The following UGT3A2 variants were observed in gnomAD, a reference collection of about 807,000 sequenced individuals.
UGT3A2 encodes UDP glycosyltransferase family 3 member A2.
In UGT3A2, 32 loss-of-function variants were observed where a neutral mutation model predicts 39.8. The ratio of observed to expected loss-of-function variants is 0.80; its 90% CI spans 0.61 to 1.08. UGT3A2 has a LOEUF of 1.08. Among genes scored for constraint, UGT3A2 ranks in the 50% least tolerant of loss-of-function variants. The pLI, the probability that UGT3A2 is intolerant of heterozygous loss-of-function variation, is 0.00. For synonymous variants in UGT3A2, 241 were observed against 230.7 expected, an observed-to-expected ratio of 1.04 and a Z score of -0.40; for missense variants, 611 against 637.1, an observed-to-expected ratio of 0.96 and a Z score of 0.44.
chr5:36,052,552 A>T (rs36063984), intron 2 of UGT3A2, among the ~76,000 whole-genome samples: 10,497 of 151,870 alleles, frequency 0.069, 481 homozygotes, highest in African/African-American at 0.13. Flanking sequence ...GTAAATTGGT[A>T]AGAAAACTCA....
At chr5:36,066,658 G>T (rs2455317) in intron 1 of UGT3A2, 38 bp downstream of exon 1, 2 of 1,613,118 alleles carry the variant, frequency 1.2e-6, no homozygotes, top group Non-Finnish European at 1.7e-6. Context: ...GAGTATCCGG[G>T]ACGCGCCTGT....
At chr5:36,065,191 T>A (rs1025084292) in intron 1 of UGT3A2, among the ~76,000 whole-genome samples, 6 of 151,642 alleles carry the variant, frequency 4.0e-5, no homozygotes, top group African/African-American at 1.5e-4. Context: ...GAAAGGAAGA[T>A]CAGAAGAGAA....
At chr5:36,046,976 C>T (rs937825552) in intron 4 of UGT3A2, among the ~76,000 whole-genome samples, 1 of 152,194 alleles carries the variant, frequency 6.6e-6, no homozygotes, top group Non-Finnish European at 1.5e-5. Flanking sequence ...GGAACTGCAT[C>T]AGGCAAAACT....
intron 4 of UGT3A2, among the ~76,000 whole-genome samples, chr5:36,042,911 G>A (rs1047448639): frequency 4.6e-5 from 7 of 151,998 alleles, no homozygotes; most frequent in African/African-American, 1.4e-4. Flanking sequence ...GAGGTAAAGA[G>A]AGAGATAGAC....
At chr5:36,065,362 T>G (rs1278139264) in intron 1 of UGT3A2, among the ~76,000 whole-genome samples, 1 of 152,110 alleles carries the variant, frequency 6.6e-6, no homozygotes, top group Non-Finnish European at 1.5e-5. Flanking sequence ...CAGGTCTTGC[T>G]CACATTTTAA....
In UGT3A2 at chr5:36,048,983, T is replaced by G; in HGVS notation, c.749A>C (p.Asn250Thr). Residue 250 changes from asparagine to threonine, a missense_variant, in exon 4 of 7, where the codon AAC (asparagine) becomes ACC (threonine). Coordinates refer to ENST00000282507, the MANE Select transcript of UGT3A2 (RefSeq NM_174914.4). Reference protein sequence around the residue: ...LLLKAELWFINSDFAFDFARP... With the variant: ...LLLKAELWFITSDFAFDFARP... ...AGCAAAATCAAAGGCAAAGTCAGAG[T>G]TAATGAACCACAACTCTGCTTTCAG... is the stretch of plus-strand genomic sequence containing the variant. 6.2e-7 allele frequency: 1 copy of G among 1,613,974 alleles called. No individual in the cohort carries two copies. Among genetic ancestry groups the G allele is most frequent in the Non-Finnish European group, 8.5e-7 (1 of 1,179,998 alleles).
intron 2 of UGT3A2, among the ~76,000 whole-genome samples, chr5:36,059,390 T>G (rs771799266): frequency 7.2e-6 from 1 of 138,892 alleles, no homozygotes; most frequent in African/African-American, 2.8e-5. Context: ...TGGAGTTTGG[T>G]ACATATCATC....
intron 1 of UGT3A2, among the ~76,000 whole-genome samples, chr5:36,064,707 G>A (rs1439774916): frequency 6.6e-6 from 1 of 152,136 alleles, no homozygotes; most frequent in Non-Finnish European, 1.5e-5. Flanking sequence ...AAGAAATCAC[G>A]GCACTGGTGG....
intron 3 of UGT3A2, among the ~76,000 whole-genome samples, chr5:36,051,438 A>C (rs1464388619): frequency 6.6e-6 from 1 of 152,194 alleles, no homozygotes; most frequent in Admixed American, 6.5e-5. Context: ...ATATAAGAAG[A>C]AGGGAAGACA....
At position 36,064,282 on chromosome 5, in the gene UGT3A2, T is replaced by C; in HGVS notation, c.163A>G (p.Met55Val). 1 of 1,614,192 alleles carries C rather than the reference T, an allele frequency of 6.2e-7. No individual in the cohort carries two copies. The highest frequency in any genetic ancestry group is 8.5e-7 in the Non-Finnish European group (1 of 1,180,024). The change falls in exon 2 of 7, where the codon ATG becomes GTG. Residue 55 changes from methionine (M) to valine (V), a missense_variant. By Grantham distance (21) the Met-to-Val change is conservative. Coordinates refer to ENST00000282507, the MANE Select transcript of UGT3A2 (RefSeq NM_174914.4). ...ILQDHGHNVT[M>V]LNHKRGPFMP... ...AAAGGACCTCTTTTGTGGTTAAGCA[T>C]GGTGACATTATGACCGTGATCTTGA...
At chr5:36,065,022 T>A (rs1290936968) in intron 1 of UGT3A2, among the ~76,000 whole-genome samples, 1 of 152,194 alleles carries the variant, frequency 6.6e-6, no homozygotes, top group Non-Finnish European at 1.5e-5. Context: ...GGATCCTGGT[T>A]GCACGAGAGA....
intron 2 of UGT3A2, among the ~76,000 whole-genome samples, chr5:36,063,788 A>G (rs1044829626): frequency 2.0e-5 from 3 of 152,128 alleles, no homozygotes; most frequent in Admixed American, 1.3e-4. Context: ...AGTGGGTGCC[A>G]CCATGTCAAG....
At chr5:36,049,538 C>G (rs1248402537) in intron 3 of UGT3A2, 118 bp from the exon 4 acceptor site, 1 of 783,740 alleles carries the variant, frequency 1.3e-6, no homozygotes, top group Non-Finnish European at 1.9e-6. Context: ...TAGCAGTCAC[C>G]CACAAATTCA....
Position 36,039,702 on chromosome 5 carries a change from C to T in UGT3A2, c.850G>A (p.Glu284Lys), listed in dbSNP as rs1343413677. 6.2e-7 allele frequency: 1 copy of T among 1,613,948 alleles called. No individual in the cohort carries two copies. Among genetic ancestry groups the T allele is most frequent in the Non-Finnish European group, 8.5e-7 (1 of 1,179,994 alleles). The part of the protein sequence containing the change: ...KPIKPVPQDL[E>K]NFIAKFGDSG... ...TCCCCAAACTTGGCAATGAAGTTCTCCAAGTCCTGGAGAAAGATTACCAAG... is the reference window on the plus strand; with the variant it reads ...TCCCCAAACTTGGCAATGAAGTTCTTCAAGTCCTGGAGAAAGATTACCAAG... The change falls in exon 5 of 7, where the codon GAG (glutamate) becomes AAG (lysine). Residue 284 changes from glutamate to lysine, a missense_variant. Glu to Lys is a moderately conservative substitution (Grantham distance 56). Coordinates refer to ENST00000282507, the MANE Select transcript of UGT3A2 (RefSeq NM_174914.4).
intron 2 of UGT3A2, among the ~76,000 whole-genome samples, chr5:36,059,150 A>G (rs1380419861): frequency 6.6e-6 from 1 of 152,100 alleles, no homozygotes; most frequent in Non-Finnish European, 1.5e-5. Context: ...TCCTACAGGG[A>G]CTTGAGTGAG....
chr5:36,061,347 G>A (rs567955455), intron 2 of UGT3A2, among the ~76,000 whole-genome samples: 5 of 150,760 alleles, frequency 3.3e-5, no homozygotes, highest in Admixed American at 1.3e-4. Context: ...CCAGTAACTC[G>A]TCATCTAGCA....
intron 6 of UGT3A2, among the ~76,000 whole-genome samples, chr5:36,037,351 A>G (rs1469539165): frequency 6.6e-6 from 1 of 152,214 alleles, no homozygotes; most frequent in East Asian, 1.9e-4. Flanking sequence ...GCGAACTCTA[A>G]GAAGAAATGA....
chr5:36,065,243 T>C lies in UGT3A2; in HGVS notation c.95-893A>G, dbSNP rs544927124. ...ATACCAAAAGCCTGCGGGGTGGGGG[T>C]GGAAGGGAGTAGAGAAGTAGTGTTC... On this transcript the variant is annotated intron_variant, in intron 1 of 6. Coordinates refer to ENST00000282507, the MANE Select transcript of UGT3A2 (RefSeq NM_174914.4). 1.3e-4 allele frequency among the ~76,000 whole-genome samples: 19 copies of C among 150,830 alleles called. 1 individual carries two copies. The South Asian group carries it at 2.7e-3, about 22-fold the overall frequency.
chr5:36,051,286 T>C (rs1742333792), intron 3 of UGT3A2, among the ~76,000 whole-genome samples: 1 of 152,250 alleles, frequency 6.6e-6, no homozygotes, highest in African/African-American at 2.4e-5. Context: ...TATGTGTTCC[T>C]TCCCATCGAG....
Sources: allele counts gnomAD v4.1 joint callset (sites outside exome capture counted in the v4.1 genomes callset), GRCh38; gene constraint gnomAD v4.1.1; transcripts MANE v1.5; gene names NCBI Gene and HGNC (gene_info 2026-07-23, HGNC 2026-07-21).